BRD10: variants seen among roughly 807,000 people sequenced by gnomAD.
BRD10 encodes bromodomain containing 10, also known as uncharacterized bromodomain-containing protein 10.
At chr9:5,899,522 G>C in the BRD10 span, among the ~76,000 whole-genome samples, 1 of 152,140 alleles carries the variant, frequency 6.6e-6, no homozygotes, top group African/African-American at 2.4e-5. Context: ...AGGAGGAGTT[G>C]ATGAATCTGA....
the BRD10 span, chr9:6,008,093 C>T: frequency 2.0e-6 from 2 of 984,560 alleles, no homozygotes; most frequent in African/African-American, 1.8e-5. Flanking sequence ...CCGCACCCCG[C>T]CCGCCTGCTC....
chr9:5,977,452 G>C, the BRD10 span, among the ~76,000 whole-genome samples: 1 of 152,018 alleles, frequency 6.6e-6, no homozygotes, highest in Non-Finnish European at 1.5e-5. Flanking sequence ...TAGTAAATAG[G>C]GAATGGGAGC....
At chr9:5,899,958 C>T in the BRD10 span, among the ~76,000 whole-genome samples, 2 of 152,336 alleles carry the variant, frequency 1.3e-5, no homozygotes, top group Admixed American at 6.5e-5. Context: ...TGTGATGTAA[C>T]ACAATGTATA....
the BRD10 span, among the ~76,000 whole-genome samples, chr9:5,993,196 T>C: frequency 2.6e-5 from 4 of 151,222 alleles, no homozygotes; most frequent in Non-Finnish European, 4.4e-5. Flanking sequence ...GCGTCTGTAG[T>C]CCCAGCTACT....
At chr9:5,921,371 G>A in the BRD10 span, 2 of 1,613,976 alleles carry the variant, frequency 1.2e-6, no homozygotes, top group Non-Finnish European at 1.7e-6. Flanking sequence ...TTGCTCTGGA[G>A]TCTTAACATA....
chr9:6,006,723 C>A, the BRD10 span, among the ~76,000 whole-genome samples: 1 of 152,202 alleles, frequency 6.6e-6, no homozygotes, highest in Non-Finnish European at 1.5e-5. Flanking sequence ...TCTTCGATGA[C>A]CGACATGGGT....
the BRD10 span, among the ~76,000 whole-genome samples, chr9:5,906,423 C>A: frequency 1.3e-5 from 2 of 152,052 alleles, no homozygotes; most frequent in African/African-American, 4.8e-5. Context: ...TATGTAGGTA[C>A]AAGGTTCTGA....
the BRD10 span, among the ~76,000 whole-genome samples, chr9:5,960,782 A>T: frequency 5.9e-5 from 9 of 152,162 alleles, no homozygotes; most frequent in Non-Finnish European, 1.2e-4. Context: ...TACACAATCT[A>T]TAATAGTATA....
At chr9:5,911,955 T>C in the BRD10 span, among the ~76,000 whole-genome samples, 11 of 152,338 alleles carry the variant, frequency 7.2e-5, no homozygotes, top group African/African-American at 2.4e-4. Flanking sequence ...AGGGATTGCA[T>C]TGAATCTGCA....
At chr9:5,963,586 C>T in the BRD10 span, among the ~76,000 whole-genome samples, 2 of 151,730 alleles carry the variant, frequency 1.3e-5, no homozygotes, top group Admixed American at 1.3e-4. Flanking sequence ...AAAAAAGAGC[C>T]TGCATCACCA....
chr9:5,919,584 A>AC, the BRD10 span: 284 of 979,340 alleles, frequency 2.9e-4, no homozygotes, highest in Non-Finnish European at 3.5e-4. Flanking sequence ...ACACACACAC[A>AC]ATGTATAGTA....
At chr9:5,937,213 AG>A in the BRD10 span, among the ~76,000 whole-genome samples, 3 of 147,446 alleles carry the variant, frequency 2.0e-5, no homozygotes, top group African/African-American at 7.6e-5. Flanking sequence ...TGGGCGATAG[AG>A]CAAGACTCTG....
the BRD10 span, among the ~76,000 whole-genome samples, chr9:5,907,717 C>T: frequency 3.3e-5 from 5 of 152,308 alleles, no homozygotes; most frequent in South Asian, 1.0e-3. Flanking sequence ...CTTCGGGAGG[C>T]CGAGGTGGGT....
the BRD10 span, among the ~76,000 whole-genome samples, chr9:5,995,033 G>C: frequency 5.3e-5 from 8 of 151,926 alleles, no homozygotes; most frequent in Non-Finnish European, 1.2e-4. Flanking sequence ...CTGAGTAGCT[G>C]GGATTACAGG....
chr9:5,939,753 G>C, the BRD10 span, among the ~76,000 whole-genome samples: 1 of 152,154 alleles, frequency 6.6e-6, no homozygotes, highest in Non-Finnish European at 1.5e-5. Context: ...CTGACATTTG[G>C]GACAAGACAG....
At chr9:5,997,181 G>A in the BRD10 span, among the ~76,000 whole-genome samples, 1 of 152,172 alleles carries the variant, frequency 6.6e-6, no homozygotes, top group South Asian at 2.1e-4. Flanking sequence ...CAAGAGCTAA[G>A]GACATAATTA....
chr9:5,885,738 G>A, the BRD10 span, among the ~76,000 whole-genome samples: 2 of 152,176 alleles, frequency 1.3e-5, no homozygotes, highest in African/African-American at 4.8e-5. Flanking sequence ...TGTTGCAGAT[G>A]AAGACGGAAT....
chr9:5,947,637 T>G, the BRD10 span, among the ~76,000 whole-genome samples: 2 of 152,056 alleles, frequency 1.3e-5, no homozygotes, highest in Non-Finnish European at 2.9e-5. Context: ...ACCCAATATA[T>G]AGAGTCAAAT....
At chr9:5,904,961 G>T in the BRD10 span, among the ~76,000 whole-genome samples, 1 of 151,802 alleles carries the variant, frequency 6.6e-6, no homozygotes, top group Non-Finnish European at 1.5e-5. Context: ...TTATAGTAGA[G>T]ATGTCATTTC....
Sources: allele counts gnomAD v4.1 joint callset (sites outside exome capture counted in the v4.1 genomes callset), GRCh38; gene constraint gnomAD v4.1.1; transcripts MANE v1.5; gene names NCBI Gene and HGNC (gene_info 2026-07-23, HGNC 2026-07-21).